The following TMEM71 variants were observed in gnomAD, a reference collection of about 807,000 sequenced individuals.
The protein encoded by TMEM71 is transmembrane protein 71.
Under a neutral mutation model 38.0 loss-of-function variants are expected in TMEM71, and 44 were observed. The observed-to-expected ratio is 1.16, with a 90% confidence interval of 0.91 to 1.49. The LOEUF is 1.49. Ranked by LOEUF, TMEM71 falls within the 40% of genes most tolerant of loss-of-function variation. The probability of loss-of-function intolerance (pLI) is 0.00; values close to 1 mark genes in which losing one functional copy is unlikely to be tolerated. For synonymous variants in TMEM71, 133 were observed against 122.5 expected (o/e 1.09, Z -0.56); for missense variants, 367 against 348.6 (o/e 1.05, Z -0.42).
At chr8:132,766,932 A>T in the TMEM71 span, among the ~76,000 whole-genome samples, 3 of 152,206 alleles carry the variant, frequency 2.0e-5, no homozygotes, top group Non-Finnish European at 4.4e-5. Context: ...TGATACAAAG[A>T]CTTCTAAAAC....
chr8:132,775,426 A>G, the TMEM71 span: 1 of 384,962 alleles, frequency 2.6e-6, no homozygotes. Context: ...GGCGGCGGCG[A>G]TGGCAGCGGA....
chr8:132,736,830 CAAA>C (rs34959336), intron 5 of TMEM71, among the ~76,000 whole-genome samples: 9 of 147,638 alleles, frequency 6.1e-5, no homozygotes, highest in East Asian at 2.0e-4. Flanking sequence ...GACTCTGTCT[CAAA>C]AAAAAAAAAA....
chr8:132,732,426 C>G (rs1413937666), intron 5 of TMEM71, among the ~76,000 whole-genome samples: 2 of 152,112 alleles, frequency 1.3e-5, no homozygotes, highest in Non-Finnish European at 2.9e-5. Context: ...CAGAAGAGTC[C>G]TCCTGTGTAG....
chr8:132,738,644 A>G (rs1279667792), intron 5 of TMEM71, among the ~76,000 whole-genome samples: 1 of 152,192 alleles, frequency 6.6e-6, no homozygotes, highest in African/African-American at 2.4e-5. Flanking sequence ...AATCCTCAAT[A>G]TGGCATAAAA....
At chr8:132,707,953 G>A (rs1326777989), downstream of TMEM71, among the ~76,000 whole-genome samples, 1 of 152,092 alleles carries the variant, frequency 6.6e-6, no homozygotes, top group Non-Finnish European at 1.5e-5. Flanking sequence ...GGGCTAGACT[G>A]GCTCTTGGCA....
the TMEM71 span, among the ~76,000 whole-genome samples, chr8:132,772,347 C>A: frequency 6.6e-6 from 1 of 152,126 alleles, no homozygotes. Context: ...GCTGTAAGTT[C>A]TTTCTTTCTA....
intron 5 of TMEM71, among the ~76,000 whole-genome samples, chr8:132,739,190 C>A (rs540202605): frequency 6.6e-6 from 1 of 152,212 alleles, no homozygotes; most frequent in African/African-American, 2.4e-5. Context: ...TTTCGGCCTG[C>A]ACTATGAGGG....
At chr8:132,756,414 TATATATATATATA>T (rs1829016053) in intron 3 of TMEM71, among the ~76,000 whole-genome samples, 2 of 61,182 alleles carry the variant, frequency 3.3e-5, no homozygotes, top group African/African-American at 7.3e-5. Context: ...ATATATATTA[TATATATATATATA>T]TATATATATA....
chr8:132,736,123 G>A (rs544546889), intron 5 of TMEM71, among the ~76,000 whole-genome samples: 2 of 152,266 alleles, frequency 1.3e-5, no homozygotes, highest in East Asian at 1.9e-4. Flanking sequence ...TTTATCAGAA[G>A]GATTGTAAGG....
chr8:132,707,325 T>C (rs190584750), downstream of TMEM71, among the ~76,000 whole-genome samples: 2 of 152,324 alleles, frequency 1.3e-5, no homozygotes, highest in African/African-American at 2.4e-5. Flanking sequence ...GGGCTCCTGA[T>C]ACAGCTAGCA....
intron 5 of TMEM71, among the ~76,000 whole-genome samples, chr8:132,745,975 A>G (rs973101348): frequency 6.8e-6 from 1 of 148,142 alleles, no homozygotes; most frequent in Admixed American, 6.9e-5. Context: ...GTGGATATTC[A>G]TGAATATAAA....
At chr8:132,709,837 T>A (rs929367692), downstream of TMEM71, 2 of 152,104 alleles carry the variant, frequency 1.3e-5, no homozygotes, top group Non-Finnish European at 2.9e-5. Flanking sequence ...GGGTAATTTG[T>A]TAAGGCAGCA....
intron 4 of TMEM71, among the ~76,000 whole-genome samples, chr8:132,750,236 T>G (rs145141996): frequency 3.3e-5 from 5 of 152,238 alleles, no homozygotes; most frequent in East Asian, 1.9e-4. Flanking sequence ...GTGAGAAACA[T>G]TTTGAAAGAA....
chr8:132,720,897 G>A (rs1230843100), intron 7 of TMEM71, among the ~76,000 whole-genome samples: 1 of 152,210 alleles, frequency 6.6e-6, no homozygotes, highest in Non-Finnish European at 1.5e-5. Context: ...GACGCACAAT[G>A]TGTCTGCTGT....
At chr8:132,775,966 A>T in the TMEM71 span, among the ~76,000 whole-genome samples, 1 of 151,838 alleles carries the variant, frequency 6.6e-6, no homozygotes, top group Admixed American at 6.6e-5. Context: ...TCATTCTCTG[A>T]CCATTGCTTT....
intron 7 of TMEM71, among the ~76,000 whole-genome samples, chr8:132,720,460 A>T (rs564388471): frequency 6.6e-6 from 1 of 152,212 alleles, no homozygotes; most frequent in Admixed American, 6.5e-5. Flanking sequence ...TGATTATTAT[A>T]CTAATGCACA....
the TMEM71 span, among the ~76,000 whole-genome samples, chr8:132,773,111 A>G: frequency 6.6e-6 from 1 of 152,244 alleles, no homozygotes; most frequent in Admixed American, 6.5e-5. Flanking sequence ...CTGGAAGGAC[A>G]TCTAGAAGTC....
At chr8:132,753,671 T>G (rs1452689139) in intron 3 of TMEM71, among the ~76,000 whole-genome samples, 1 of 152,138 alleles carries the variant, frequency 6.6e-6, no homozygotes, top group Non-Finnish European at 1.5e-5. Context: ...TCAATCCCCC[T>G]CTAAGCCCAT....
intron 5 of TMEM71, among the ~76,000 whole-genome samples, chr8:132,739,816 A>T (rs1259055664): frequency 6.6e-6 from 1 of 152,162 alleles, no homozygotes; most frequent in Non-Finnish European, 1.5e-5. Context: ...AGCACCCTTG[A>T]CTTCTCTTTT....
Sources: gnomAD v4.1 joint callset for allele counts (sites outside exome capture counted in the v4.1 genomes callset) on GRCh38, gnomAD v4.1.1 for gene constraint, MANE v1.5 for transcripts, NCBI Gene and HGNC (gene_info 2026-07-23, HGNC 2026-07-21) for gene names.